Variants in CACNA1D observed in about 807,000 individuals in gnomAD.
The protein encoded by CACNA1D is voltage-dependent L-type calcium channel subunit alpha-1D.
A neutral mutation model predicts 257.1 loss-of-function variants in CACNA1D; 55 were observed. That is an observed-to-expected ratio of 0.21 (90% confidence interval 0.17 to 0.27). The LOEUF (loss-of-function observed/expected upper bound fraction) is 0.27. CACNA1D is among the 10% of genes least tolerant of loss of function. CACNA1D has a pLI of 1.00. For missense variants in CACNA1D, 1,876 were observed against 2,784.0 expected, an observed-to-expected ratio of 0.67 and a Z score of 7.34; for synonymous variants, 980 against 1,014.9, an observed-to-expected ratio of 0.97 and a Z score of 0.65.
intron 3 of CACNA1D, among the ~76,000 whole-genome samples, chr3:53,517,047 G>T (rs891237850): frequency 2.0e-5 from 3 of 152,132 alleles, no homozygotes; most frequent in African/African-American, 7.2e-5. Context: ...TTTCTTCATT[G>T]GTCATAAAGC....
chr3:53,780,195 T>G, intron 38 of CACNA1D, 67 bp downstream of exon 38: 4 of 1,265,010 alleles, frequency 3.2e-6, no homozygotes, highest in Non-Finnish European at 4.6e-6. Context: ...CCATCTTGCC[T>G]TCCTCATCTG....
chr3:53,768,081 T>C (rs1465098511), intron 30 of CACNA1D, among the ~76,000 whole-genome samples: 3 of 152,240 alleles, frequency 2.0e-5, no homozygotes, highest in Non-Finnish European at 4.4e-5. Context: ...GTTGAAGAGA[T>C]GTACACTTCG....
chr3:53,723,251 GAA>G lies in CACNA1D; in HGVS notation c.1667-182_1667-181del. Among the ~76,000 whole-genome samples, 1 of 152,110 alleles carries G rather than the reference GAA, an allele frequency of 6.6e-6. No individual in the cohort carries two copies. The highest frequency in any genetic ancestry group is 1.5e-5 in the Non-Finnish European group (1 of 68,034). ...ATAGCTAGTAGCAGAAGCAGGACCA[GAA>G]CCTGGTGGACAGACTGTCCACGCGA... On this transcript the variant is annotated intron_variant, in intron 12 of 47. Transcript: ENST00000350061. The surrounding 1 kb of genome is among the most constrained non-coding windows in gnomAD (Gnocchi z 5.6).
chr3:53,798,506 C>T (rs1317048227), intron 40 of CACNA1D, among the ~76,000 whole-genome samples: 1 of 152,192 alleles, frequency 6.6e-6, no homozygotes, highest in Non-Finnish European at 1.5e-5. Context: ...GACTGTCTGT[C>T]CCCTATAAGA....
intron 40 of CACNA1D, among the ~76,000 whole-genome samples, chr3:53,797,359 C>T (rs1338808397): frequency 1.3e-5 from 2 of 152,182 alleles, no homozygotes; most frequent in Non-Finnish European, 2.9e-5. Context: ...ACCCAGAACA[C>T]ATGTGAAAAA....
intron 9 of CACNA1D, among the ~76,000 whole-genome samples, chr3:53,708,014 G>A (rs2094709794): frequency 6.6e-6 from 1 of 152,234 alleles, no homozygotes; most frequent in Admixed American, 6.5e-5. Flanking sequence ...TGGTCCTGGA[G>A]GCTATGGGCA....
rs771099527 is a variant in CACNA1D at position 53,772,814 on chromosome 3, A to C, written c.4045-19A>C. On this transcript the variant is annotated intron_variant, in intron 32 of 47. Transcript: ENST00000350061. ...GGGACAGCCGGCTGGTGCTGAGCCA[A>C]GTGCCTTTTCTCTCCCAGGCGCTCC... 6.2e-7 allele frequency: 1 copy of C among 1,611,602 alleles called. No individual in the cohort carries two copies. The highest frequency in any genetic ancestry group is 8.5e-7 in the Non-Finnish European group (1 of 1,177,794).
chr3:53,702,894 C>G (rs1235200099), intron 9 of CACNA1D, 84 bp downstream of exon 9: 10 of 1,478,366 alleles, frequency 6.8e-6, no homozygotes, highest in Middle Eastern at 2.2e-4. Context: ...TCGACTCTGA[C>G]CCAGGCTGTG....
At chr3:53,739,596 T>A (rs545371017) in intron 20 of CACNA1D, among the ~76,000 whole-genome samples, 1,790 of 152,284 alleles carry the variant, frequency 0.012, 24 homozygotes, top group Admixed American at 0.019. Flanking sequence ...AGTCTGTTAT[T>A]TGAGTGGGCC....
Position 53,725,128 on chromosome 3 carries a change from G to A in CACNA1D, c.2100+1129G>A, listed in dbSNP as rs552938965. On this transcript the variant is annotated intron_variant, in intron 14 of 47. Coordinates refer to ENST00000350061, the MANE Select transcript of CACNA1D (RefSeq NM_001128840.3). ...AGCAACCACCATTAAACAGTTTCTT[G>A]TGAATTCTTAGATCTGCATTTTCTG... 4.0e-5 allele frequency among the ~76,000 whole-genome samples: 6 copies of A among 151,728 alleles called. No homozygotes were observed. In the South Asian group the frequency reaches 1.2e-3, roughly 32 times the overall value.
chr3:53,797,083 C>T (rs907656960), intron 40 of CACNA1D, among the ~76,000 whole-genome samples: 4 of 151,868 alleles, frequency 2.6e-5, no homozygotes, highest in Admixed American at 6.6e-5. Flanking sequence ...AAAAAATGTT[C>T]TTTTTTTTAG....
intron 8 of CACNA1D, among the ~76,000 whole-genome samples, chr3:53,688,333 G>A (rs2094491345): frequency 6.6e-6 from 1 of 152,214 alleles, no homozygotes; most frequent in Admixed American, 6.5e-5. Context: ...CACAAAGGCA[G>A]GGGTCAGAAG....
intron 9 of CACNA1D, among the ~76,000 whole-genome samples, chr3:53,706,758 C>T (rs1181855997): frequency 1.3e-5 from 2 of 152,172 alleles, no homozygotes; most frequent in African/African-American, 4.8e-5. Context: ...TTTCTCATCC[C>T]TCATGCCTCT....
intron 3 of CACNA1D, among the ~76,000 whole-genome samples, chr3:53,568,416 G>A (rs1045298233): frequency 6.6e-6 from 1 of 152,108 alleles, no homozygotes; most frequent in East Asian, 1.9e-4. Flanking sequence ...ACTCTCGGCC[G>A]ATGGCTTTAC....
intron 1 of CACNA1D, among the ~76,000 whole-genome samples, chr3:53,496,038 T>C (rs1468560562): frequency 6.6e-6 from 1 of 152,222 alleles, no homozygotes; most frequent in African/African-American, 2.4e-5. Flanking sequence ...AAGCTTGACA[T>C]GACTCGACTC....
At chr3:53,787,770 G>A (rs13316067) in intron 40 of CACNA1D, among the ~76,000 whole-genome samples, 14,099 of 152,128 alleles carry the variant, frequency 0.093, 1,590 homozygotes, top group African/African-American at 0.26. Flanking sequence ...GTCTGTGAGT[G>A]CCGTGGATGA....
chr3:53,599,533 A>G (rs776080369), intron 3 of CACNA1D, among the ~76,000 whole-genome samples: 36 of 152,154 alleles, frequency 2.4e-4, no homozygotes, highest in Non-Finnish European at 8.8e-5. Flanking sequence ...AAAGTCAGAC[A>G]TACCTGAATT....
intron 8 of CACNA1D, among the ~76,000 whole-genome samples, chr3:53,683,354 C>T (rs955581178): frequency 5.9e-5 from 9 of 152,180 alleles, no homozygotes; most frequent in African/African-American, 2.2e-4. Context: ...AGGGTTGGAG[C>T]TACTTTAGCC....
chr3:53,745,949 A>G (rs1011011543), intron 25 of CACNA1D, 74 bp downstream of exon 25: 1 of 1,194,466 alleles, frequency 8.4e-7, no homozygotes, highest in Non-Finnish European at 1.2e-6. Flanking sequence ...ACATGTTGGC[A>G]CGTCAGAAGT....
Sources: allele counts gnomAD v4.1 joint callset (sites outside exome capture counted in the v4.1 genomes callset), GRCh38; gene constraint gnomAD v4.1.1; non-coding constraint Gnocchi (gnomAD v3.1); transcripts MANE v1.5; gene names NCBI Gene and HGNC (gene_info 2026-07-23, HGNC 2026-07-21).